GRIA1: variants seen among roughly 807,000 people sequenced by gnomAD.
GRIA1 encodes glutamate ionotropic receptor AMPA type subunit 1.
GRIA1 carries 31 observed loss-of-function variants against 99.2 expected under a neutral mutation model. The observed-to-expected ratio is 0.31, with a 90% CI of 0.23 to 0.42. GRIA1 has a LOEUF of 0.42. GRIA1 is among the 10% of genes least tolerant of loss of function. The pLI, the probability that GRIA1 is intolerant of heterozygous loss-of-function variation, is 1.00. For missense variants in GRIA1, 782 were observed against 1,157.5 expected (o/e 0.68, Z 4.71); for synonymous variants, 438 against 432.4 (o/e 1.01, Z -0.16).
intron 2 of GRIA1, among the ~76,000 whole-genome samples, chr5:153,517,710 C>A (rs975249746): frequency 1.6e-4 from 25 of 151,668 alleles, no homozygotes; most frequent in African/African-American, 6.0e-4. Context: ...ACACTTTTTT[C>A]AAAAAAAATC....
chr5:153,555,356 C>G (rs557215816), intron 2 of GRIA1, among the ~76,000 whole-genome samples: 76 of 151,644 alleles, frequency 5.0e-4, no homozygotes, highest in Middle Eastern at 3.4e-3. Context: ...TCATTTTTCG[C>G]GCATTCCTAC....
intron 13 of GRIA1, among the ~76,000 whole-genome samples, chr5:153,778,773 C>T (rs1390587565): frequency 4.5e-4 from 68 of 151,490 alleles, no homozygotes. Context: ...AATAAGAAAA[C>T]AGCAGAAAGC....
At chr5:153,778,833 C>G (rs1038445746) in intron 13 of GRIA1, among the ~76,000 whole-genome samples, 2 of 152,050 alleles carry the variant, frequency 1.3e-5, no homozygotes. Context: ...CTTGACTGCA[C>G]CATTTGTACT....
At chr5:153,547,282 A>G in intron 2 of GRIA1, among the ~76,000 whole-genome samples, 1 of 152,052 alleles carries the variant, frequency 6.6e-6, no homozygotes, top group African/African-American at 2.4e-5. Context: ...AAGATTGGAC[A>G]CCCCTGATCT....
intron 11 of GRIA1, among the ~76,000 whole-genome samples, chr5:153,751,612 T>G (rs1030142912): frequency 1.3e-5 from 2 of 152,228 alleles, no homozygotes; most frequent in Admixed American, 1.3e-4. Context: ...CTACCTGGAC[T>G]TTGACAGAAA....
In GRIA1 at chr5:153,748,438, G is replaced by A. The variant is rs148375044; in HGVS notation, c.1824-15996G>A. The stretch of plus-strand genomic sequence containing the variant: ...TAGCATGGAGGAAAAGACAGTACAA[G>A]AGGAGACAAGACGCGGGCTGGCTCA... On this transcript the variant is annotated intron_variant, in intron 11 of 15. Transcript: ENST00000285900. Among the ~76,000 whole-genome samples the A allele has an allele frequency of 3.6e-4, 55 of 152,308 alleles. No homozygotes were observed. In the East Asian group the frequency reaches 0.01, roughly 29 times the overall value.
chr5:153,546,644 T>C (rs1759640769), intron 2 of GRIA1, among the ~76,000 whole-genome samples: 7 of 152,148 alleles, frequency 4.6e-5, no homozygotes, highest in Admixed American at 3.9e-4. Flanking sequence ...GGTTTGATAA[T>C]TGGCCCAAGG....
chr5:153,686,987 T>C (rs1050308222), intron 8 of GRIA1, among the ~76,000 whole-genome samples: 5 of 152,164 alleles, frequency 3.3e-5, no homozygotes, highest in African/African-American at 1.2e-4. Context: ...CACCATGTTC[T>C]TTCTCATCAT....
intron 13 of GRIA1, among the ~76,000 whole-genome samples, chr5:153,772,159 A>G (rs1205456950): frequency 2.0e-5 from 3 of 152,190 alleles, no homozygotes; most frequent in African/African-American, 7.2e-5. Context: ...AAAGCAGAAC[A>G]ATAAAGACAA....
At chr5:153,547,566 C>T (rs1759723759) in intron 2 of GRIA1, among the ~76,000 whole-genome samples, 1 of 152,124 alleles carries the variant, frequency 6.6e-6, no homozygotes, top group Non-Finnish European at 1.5e-5. Context: ...ACTTCTCTCC[C>T]CTATTTATGG....
chr5:153,693,404 T>A (rs1467080806), intron 8 of GRIA1, among the ~76,000 whole-genome samples: 1 of 152,202 alleles, frequency 6.6e-6, no homozygotes, highest in African/African-American at 2.4e-5. Flanking sequence ...CAGCTAATTA[T>A]CTTGGCCACA....
intron 4 of GRIA1, among the ~76,000 whole-genome samples, chr5:153,651,975 G>T (rs1406208497): frequency 6.6e-6 from 1 of 152,120 alleles, no homozygotes; most frequent in Non-Finnish European, 1.5e-5. Context: ...TTCTTGATCT[G>T]TAAAATGGGC....
At chr5:153,643,976 C>G (rs17521666) in intron 2 of GRIA1, among the ~76,000 whole-genome samples, 15,612 of 152,142 alleles carry the variant, frequency 0.1, 827 homozygotes, top group African/African-American at 0.11. Flanking sequence ...TGTGTGAAAC[C>G]AAGTAGGTGA....
intron 8 of GRIA1, 70 bp downstream of exon 8, chr5:153,686,399 G>T: frequency 4.6e-6 from 5 of 1,098,764 alleles, no homozygotes; most frequent in Non-Finnish European, 6.9e-6. Flanking sequence ...AGAGCTGAGG[G>T]CCTGTGAGTC....
intron 2 of GRIA1, among the ~76,000 whole-genome samples, chr5:153,646,218 G>A (rs1336635191): frequency 6.6e-6 from 1 of 152,192 alleles, no homozygotes; most frequent in Non-Finnish European, 1.5e-5. Context: ...ACACTGGGGG[G>A]TCTGAAAATC....
intron 2 of GRIA1, among the ~76,000 whole-genome samples, chr5:153,574,161 T>G (rs1762346780): frequency 6.6e-6 from 1 of 152,214 alleles, no homozygotes; most frequent in Admixed American, 6.5e-5. Flanking sequence ...AGTCAGTTGT[T>G]TAATCTCTTA....
chr5:153,589,357 T>C (rs1251764786), intron 2 of GRIA1, among the ~76,000 whole-genome samples: 2 of 152,194 alleles, frequency 1.3e-5, no homozygotes, highest in African/African-American at 4.8e-5. Context: ...AATTAATTTA[T>C]ACATTTCAAA....
intron 11 of GRIA1, among the ~76,000 whole-genome samples, chr5:153,754,810 C>A (rs1007145315): frequency 9.2e-5 from 14 of 152,168 alleles, no homozygotes; most frequent in African/African-American, 3.4e-4. Context: ...CCATGCTGAG[C>A]ACTGGAGATA....
At chr5:153,772,099 AT>A (rs2149620853) in intron 13 of GRIA1, among the ~76,000 whole-genome samples, 1 of 152,336 alleles carries the variant, frequency 6.6e-6, no homozygotes, top group African/African-American at 2.4e-5. Context: ...AGATTTGAAA[AT>A]CAGTCTTAAG....
Sources: gnomAD v4.1 joint callset for allele counts (sites outside exome capture counted in the v4.1 genomes callset) on GRCh38, gnomAD v4.1.1 for gene constraint, MANE v1.5 for transcripts, NCBI Gene and HGNC (gene_info 2026-07-23, HGNC 2026-07-21) for gene names.